NTRK3: variants seen among roughly 807,000 people sequenced by gnomAD.
NTRK3 encodes NT-3 growth factor receptor.
In NTRK3, 24 loss-of-function variants were observed where a neutral mutation model predicts 91.7. The ratio of observed to expected loss-of-function variants is 0.26; its 90% CI spans 0.19 to 0.37. NTRK3 has a LOEUF of 0.37. Among genes scored for constraint, NTRK3 ranks in the 10% least tolerant of loss-of-function variants. NTRK3 has a pLI of 1.00. For synonymous variants in NTRK3, 483 were observed against 404.0 expected, an observed-to-expected ratio of 1.20 and a Z score of -2.34; for missense variants, 880 against 1,068.9, an observed-to-expected ratio of 0.82 and a Z score of 2.46.
chr15:87,978,174 C>T (rs2073891182), intron 14 of NTRK3: 1 of 230,466 alleles, frequency 4.3e-6, no homozygotes, highest in African/African-American at 2.2e-5. Flanking sequence ...AAGGGAAAGT[C>T]ACCCCCTTCC....
At chr15:88,124,193 T>C (rs941827437) in intron 13 of NTRK3, among the ~76,000 whole-genome samples, 1 of 152,246 alleles carries the variant, frequency 6.6e-6, no homozygotes, top group African/African-American at 2.4e-5. Flanking sequence ...ATCTTGCCTA[T>C]AACTCCAGTA....
chr15:88,224,703 G>A (rs560964785), intron 3 of NTRK3, among the ~76,000 whole-genome samples: 7 of 152,338 alleles, frequency 4.6e-5, no homozygotes, highest in East Asian at 3.9e-4. Context: ...CAGCAGAAAC[G>A]CACTGCCCAG....
intron 3 of NTRK3, among the ~76,000 whole-genome samples, chr15:88,203,820 C>A (rs1359945716): frequency 1.3e-5 from 2 of 152,014 alleles, no homozygotes; most frequent in Admixed American, 6.6e-5. Flanking sequence ...ATATGTATGT[C>A]TATTATGTAT....
At chr15:87,895,236 T>TA (rs1476442284) in intron 17 of NTRK3, among the ~76,000 whole-genome samples, 1 of 152,202 alleles carries the variant, frequency 6.6e-6, no homozygotes, top group African/African-American at 2.4e-5. Context: ...AGTCCCACAG[T>TA]GTCTGGTTAT....
intron 15 of NTRK3, among the ~76,000 whole-genome samples, chr15:87,935,397 C>T (rs913234926): frequency 2.6e-5 from 4 of 152,128 alleles, no homozygotes; most frequent in African/African-American, 7.2e-5. Context: ...TAACAATAAA[C>T]GAATAGGATG....
intron 14 of NTRK3, among the ~76,000 whole-genome samples, chr15:88,002,155 A>G (rs1270823736): frequency 1.4e-5 from 2 of 147,234 alleles, no homozygotes; most frequent in Non-Finnish European, 3.0e-5. Flanking sequence ...TCTCTCTCTG[A>G]AGGATAGTGG....
rs565935309 is a variant in NTRK3, at chr15:87,880,233, C to T, written c.2292+37G>A. ...TGGGCTGAGATAGCTCTTATGAGCC[C>T]TCCCCCAATCAAGATTCCTACGCAC... is the stretch of plus-strand genomic sequence containing the variant. On this transcript the variant is annotated intron_variant, in intron 18 of 18. Coordinates refer to ENST00000394480, the Ensembl canonical transcript of NTRK3. 4.3e-6 allele frequency: 7 copies of T among 1,613,360 alleles called. No individual in the cohort carries two copies. The South Asian group carries it at 4.4e-5, about 10-fold the overall frequency.
chr15:88,020,766 C>T lies in NTRK3; in HGVS notation c.1585+12091G>A, dbSNP rs762625695. Among the ~76,000 whole-genome samples, 6 of 152,076 alleles carry T rather than the reference C, an allele frequency of 3.9e-5. No individual in the cohort carries two copies. The South Asian group carries it at 1.2e-3, about 32-fold the overall frequency. On this transcript the variant is annotated intron_variant, in intron 14 of 18. Transcript: ENST00000394480. Reference sequence around the variant, plus strand: ...GGCTGGGACCTGGGTCTAAGGCCACCCACTCTCATGTCACTTTTGTTTCTA... The same window carrying T: ...GGCTGGGACCTGGGTCTAAGGCCACTCACTCTCATGTCACTTTTGTTTCTA...
At chr15:88,024,605 AG>A (rs2077870186) in intron 14 of NTRK3, among the ~76,000 whole-genome samples, 1 of 152,250 alleles carries the variant, frequency 6.6e-6, no homozygotes, top group South Asian at 2.1e-4. Flanking sequence ...GATCTAGGAA[AG>A]AAATGGGAAG....
intron 3 of NTRK3, among the ~76,000 whole-genome samples, chr15:88,252,050 G>C (rs1173360859): frequency 6.6e-6 from 1 of 152,146 alleles, no homozygotes; most frequent in Non-Finnish European, 1.5e-5. Context: ...GAAAACCCCA[G>C]GGCCTCAGGA....
chr15:88,022,728 G>A (rs941702886), intron 14 of NTRK3, among the ~76,000 whole-genome samples: 6 of 152,104 alleles, frequency 3.9e-5, no homozygotes, highest in African/African-American at 1.4e-4. Context: ...CTGGCTGGGG[G>A]TCTCATCATT....
At chr15:87,980,483 G>A (rs1269405211) in intron 14 of NTRK3, among the ~76,000 whole-genome samples, 1 of 152,144 alleles carries the variant, frequency 6.6e-6, no homozygotes, top group African/African-American at 2.4e-5. Flanking sequence ...GTGTGTATGT[G>A]TTTCCATGTG....
chr15:87,955,982 C>T (rs1180135472), intron 14 of NTRK3, among the ~76,000 whole-genome samples: 2 of 152,040 alleles, frequency 1.3e-5, no homozygotes, highest in Non-Finnish European at 2.9e-5. Flanking sequence ...AGATGAGTCA[C>T]CCAGGAAATT....
intron 17 of NTRK3, among the ~76,000 whole-genome samples, chr15:87,924,681 C>T (rs2068145242): frequency 6.6e-6 from 1 of 152,172 alleles, no homozygotes; most frequent in South Asian, 2.1e-4. Context: ...GGCTCACCTC[C>T]CCTAAGTGAG....
In NTRK3 at chr15:87,879,682, T is replaced by C. The variant is rs148966584; in HGVS notation, c.2292+588A>G. Among the ~76,000 whole-genome samples, 103 of 152,346 alleles carry C rather than the reference T, an allele frequency of 6.8e-4. No individual in the cohort carries two copies. In the East Asian group the frequency reaches 0.018, roughly 27 times the overall value. ...TTATGTTTACTAGCATTTTTTATTA[T>C]TGCAAATTACAATTATAAAAAATAT... On this transcript the variant is annotated intron_variant, in intron 18 of 18. Transcript: ENST00000394480.
intron 4 of NTRK3, 49 bp downstream of exon 4, chr15:88,184,175 CA>C (rs2151619714): frequency 1.3e-6 from 2 of 1,579,320 alleles, no homozygotes; most frequent in East Asian, 4.5e-5. Context: ...GACCAGGTGG[CA>C]TCCACCCCTT....
At chr15:87,981,358 C>A (rs1209266102) in intron 14 of NTRK3, 1 of 1,613,768 alleles carries the variant, frequency 6.2e-7, no homozygotes, top group Admixed American at 1.7e-5. Flanking sequence ...TTTGAAAAGA[C>A]CCCTGGCAGA....
chr15:88,002,641 AG>A (rs2076195168), intron 14 of NTRK3, among the ~76,000 whole-genome samples: 1 of 151,668 alleles, frequency 6.6e-6, no homozygotes, highest in Non-Finnish European at 1.5e-5. Flanking sequence ...AAATAAAAAG[AG>A]ACAGTTTTTT....
chr15:87,886,676 CTA>C (rs35011403), intron 17 of NTRK3, among the ~76,000 whole-genome samples: 1,337 of 101,180 alleles, frequency 0.013, 51 homozygotes, highest in African/African-American at 0.05. Flanking sequence ...CCACTTTTTG[CTA>C]TATATATATA....
Sources: gnomAD v4.1 joint callset for allele counts (sites outside exome capture counted in the v4.1 genomes callset) on GRCh38, gnomAD v4.1.1 for gene constraint, MANE v1.5 for transcripts, NCBI Gene and HGNC (gene_info 2026-07-23, HGNC 2026-07-21) for gene names.